The following CAMKMT variants were observed in gnomAD, a reference collection of about 807,000 sequenced individuals.
The protein encoded by CAMKMT is CaM KMT.
In CAMKMT, 53 loss-of-function variants were observed where a neutral mutation model predicts 48.0. The ratio of observed to expected loss-of-function variants is 1.10; its 90% CI spans 0.89 to 1.39. The LOEUF (loss-of-function observed/expected upper bound fraction) is 1.39, where lower values mean the gene tolerates loss of function less well. Ranked by LOEUF, CAMKMT falls within the 40% of genes most tolerant of loss-of-function variation. CAMKMT has a pLI of 0.00. For missense variants in CAMKMT, 428 were observed against 402.7 expected, an observed-to-expected ratio of 1.06 and a Z score of -0.54; for synonymous variants, 165 against 152.3, an observed-to-expected ratio of 1.08 and a Z score of -0.61.
chr2:44,383,294 G>C (rs1164296227), intron 2 of CAMKMT, among the ~76,000 whole-genome samples: 1 of 151,558 alleles, frequency 6.6e-6, no homozygotes, highest in Non-Finnish European at 1.5e-5. Flanking sequence ...CCTCCCGAGA[G>C]GCTGGGACTA....
chr2:44,377,084 G>A (rs1288242209), intron 2 of CAMKMT, among the ~76,000 whole-genome samples: 3 of 152,030 alleles, frequency 2.0e-5, no homozygotes, highest in African/African-American at 7.2e-5. Flanking sequence ...ATAGCTCACT[G>A]AAGCCTTGAC....
intron 3 of CAMKMT, among the ~76,000 whole-genome samples, chr2:44,454,118 T>C (rs1667438279): frequency 1.3e-5 from 2 of 152,132 alleles, no homozygotes; most frequent in African/African-American, 4.8e-5. Context: ...AAGCTTCGTC[T>C]GCAATTCTTA....
chr2:44,736,708 A>G (rs1302193847), intron 7 of CAMKMT, among the ~76,000 whole-genome samples: 3 of 151,946 alleles, frequency 2.0e-5, no homozygotes, highest in Admixed American at 6.6e-5. Flanking sequence ...TTTTCTCCAT[A>G]TATTTCATTT....
chr2:44,679,906 A>G (rs1398025798), intron 3 of CAMKMT, among the ~76,000 whole-genome samples: 2 of 152,174 alleles, frequency 1.3e-5, no homozygotes, highest in Non-Finnish European at 2.9e-5. Flanking sequence ...AGTAAAACAT[A>G]TTTTTGAAGG....
intron 3 of CAMKMT, among the ~76,000 whole-genome samples, chr2:44,422,321 C>T (rs952484735): frequency 6.6e-6 from 1 of 152,196 alleles, no homozygotes; most frequent in African/African-American, 2.4e-5. Flanking sequence ...ATAAATTACC[C>T]AGTCTCAGGT....
intron 1 of CAMKMT, among the ~76,000 whole-genome samples, chr2:44,364,280 T>C (rs1046983400): frequency 6.6e-6 from 1 of 152,140 alleles, no homozygotes; most frequent in African/African-American, 2.4e-5. Flanking sequence ...ATCGAAACTT[T>C]TGGTATATAT....
intron 3 of CAMKMT, among the ~76,000 whole-genome samples, chr2:44,454,033 T>G (rs1667432576): frequency 6.6e-6 from 1 of 152,088 alleles, no homozygotes; most frequent in South Asian, 2.1e-4. Flanking sequence ...TGACTATATT[T>G]TAGAGAAATT....
At position 44,475,313 on chromosome 2, in the gene CAMKMT, G is replaced by T. The variant is rs1017814162; in HGVS notation, c.376+85008G>T. On this transcript the variant is annotated intron_variant, in intron 3 of 10. Coordinates refer to ENST00000378494, the MANE Select transcript of CAMKMT (RefSeq NM_024766.5). Reference sequence around the variant, plus strand: ...AAGTTTTTAAATAGTAAGAATATAGGTTGAAATTTTTTTTTTTTTTTTGAG... The same window carrying T: ...AAGTTTTTAAATAGTAAGAATATAGTTTGAAATTTTTTTTTTTTTTTTGAG... Among the ~76,000 whole-genome samples the T allele has an allele frequency of 1.8e-4, 20 of 113,802 alleles. 1 individual carries two copies. Among genetic ancestry groups the T allele is most frequent in the African/African-American group, 3.2e-4 (9 of 28,268 alleles). The allele number at this position is 113,802 out of a possible 152,430, so 74.7% of individuals were successfully genotyped here.
chr2:44,513,834 C>T (rs888925846), intron 3 of CAMKMT, among the ~76,000 whole-genome samples: 2 of 152,102 alleles, frequency 1.3e-5, no homozygotes, highest in Non-Finnish European at 2.9e-5. Flanking sequence ...GGAATGGTGG[C>T]TCACACCTGT....
Position 44,652,713 on chromosome 2 carries a change from G to A in CAMKMT, c.377-51570G>A, listed in dbSNP as rs562521101. On this transcript the variant is annotated intron_variant, in intron 3 of 10. Transcript: ENST00000378494. ...CAACATATCCTTTAAGAGAAAAGGC[G>A]GGGTCTAGTGGGAGGAGTGTGGGAG... is the stretch of plus-strand genomic sequence containing the variant. Among the ~76,000 whole-genome samples, 10 of 152,296 alleles carry A rather than the reference G, an allele frequency of 6.6e-5. No homozygotes were observed. In the South Asian group the frequency reaches 1.7e-3, roughly 25 times the overall value.
intron 3 of CAMKMT, among the ~76,000 whole-genome samples, chr2:44,629,780 C>T (rs371641758): frequency 1.1e-4 from 17 of 151,874 alleles, no homozygotes; most frequent in South Asian, 4.2e-4. Context: ...TCTATGCTCA[C>T]GGGTAGGAAG....
rs563057998 is a variant in CAMKMT at position 44,751,729 on chromosome 2, G to T, written c.699-2326G>T. ...TGCTTGTATTAGTCCATCTTGCGCT[G>T]CTACAAAGGTACACCTGAAGCTAGG... On this transcript the variant is annotated intron_variant, in intron 8 of 10. Transcript: ENST00000378494. 7.2e-5 allele frequency among the ~76,000 whole-genome samples: 11 copies of T among 152,284 alleles called. No individual in the cohort carries two copies. In the South Asian group the frequency reaches 2.1e-3, roughly 29 times the overall value.
chr2:44,640,092 C>G (rs1369303007), intron 3 of CAMKMT, among the ~76,000 whole-genome samples: 1 of 152,030 alleles, frequency 6.6e-6, no homozygotes, highest in East Asian at 1.9e-4. Context: ...TATCTGGTTT[C>G]TGAATATTCA....
intron 3 of CAMKMT, among the ~76,000 whole-genome samples, chr2:44,594,341 C>G (rs1198567791): frequency 1.3e-5 from 2 of 152,290 alleles, no homozygotes; most frequent in Middle Eastern, 3.4e-3. Flanking sequence ...CAAAAAAGAG[C>G]CCGTATAGCC....
intron 3 of CAMKMT, among the ~76,000 whole-genome samples, chr2:44,659,154 G>T: frequency 6.7e-6 from 1 of 149,364 alleles, no homozygotes; most frequent in Admixed American, 6.7e-5. Context: ...AGGCACAGTG[G>T]CTCACACCTG....
chr2:44,467,148 G>A (rs905103395), intron 3 of CAMKMT, among the ~76,000 whole-genome samples: 2 of 152,050 alleles, frequency 1.3e-5, no homozygotes, highest in African/African-American at 2.4e-5. Flanking sequence ...CAGCTACTCA[G>A]GAGGCTGAGG....
rs1667940702 is a variant in CAMKMT at position 44,463,281 on chromosome 2, C to T, written c.376+72976C>T. ...AAGACACTGACTTAACAATATATGA[C>T]CCAAAAACATTTAGGATAGCTCCAG... is the stretch of plus-strand genomic sequence containing the variant. On this transcript the variant is annotated intron_variant, in intron 3 of 10. Transcript: ENST00000378494. Among the ~76,000 whole-genome samples the T allele has an allele frequency of 3.9e-5, 6 of 152,166 alleles. No individual in the cohort carries two copies. In the South Asian group the frequency reaches 1.2e-3, roughly 32 times the overall value.
chr2:44,362,355 C>G (rs951846305), intron 1 of CAMKMT, among the ~76,000 whole-genome samples: 2 of 152,134 alleles, frequency 1.3e-5, no homozygotes, highest in Non-Finnish European at 2.9e-5. Flanking sequence ...AGCGGGACAG[C>G]CAAGGCTGAG....
chr2:44,465,504 G>A (rs1668065062), intron 3 of CAMKMT, among the ~76,000 whole-genome samples: 1 of 150,486 alleles, frequency 6.6e-6, no homozygotes, highest in African/African-American at 2.5e-5. Flanking sequence ...GCTGAGGCAC[G>A]AGAATTGCTG....
Sources: gnomAD v4.1 joint callset for allele counts (sites outside exome capture counted in the v4.1 genomes callset) on GRCh38, gnomAD v4.1.1 for gene constraint, MANE v1.5 for transcripts, NCBI Gene and HGNC (gene_info 2026-07-23, HGNC 2026-07-21) for gene names.